The following WWOX variants were observed in gnomAD, a reference collection of about 807,000 sequenced individuals.
WWOX encodes the protein WW domain containing oxidoreductase, also known as WW domain-containing oxidoreductase.
A neutral mutation model predicts 46.2 loss-of-function variants in WWOX; 69 were observed. The ratio of observed to expected loss-of-function variants is 1.49; its 90% CI spans 1.23 to 1.82. The LOEUF (loss-of-function observed/expected upper bound fraction) is 1.82. Ranked by LOEUF, WWOX falls within the 40% of genes most tolerant of loss-of-function variation. The probability of loss-of-function intolerance (pLI) is 0.00; values close to 1 mark genes in which losing one functional copy is unlikely to be tolerated. For synonymous variants in WWOX, 359 were observed against 202.6 expected (o/e 1.77, Z -6.56); for missense variants, 919 against 542.6 (o/e 1.69, Z -6.89).
At chr16:78,471,692 T>G (rs1363610558) in intron 8 of WWOX, among the ~76,000 whole-genome samples, 1 of 152,196 alleles carries the variant, frequency 6.6e-6, no homozygotes, top group African/African-American at 2.4e-5. Context: ...TTGGGCCACA[T>G]TGGTTGGAAG....
chr16:78,457,343 C>G (rs1171710089), intron 8 of WWOX, among the ~76,000 whole-genome samples: 1 of 152,140 alleles, frequency 6.6e-6, no homozygotes. Flanking sequence ...GCTACTTGTT[C>G]TCTTGGTTCC....
intron 8 of WWOX, among the ~76,000 whole-genome samples, chr16:78,728,312 C>T (rs28515542): frequency 2.0e-5 from 3 of 152,032 alleles, no homozygotes; most frequent in East Asian, 1.9e-4. Flanking sequence ...TCAAGCGATT[C>T]TCCCGCCTTG....
chr16:78,852,577 C>T (rs552715268), intron 8 of WWOX, among the ~76,000 whole-genome samples: 22 of 152,138 alleles, frequency 1.4e-4, no homozygotes, highest in Non-Finnish European at 2.9e-4. Context: ...ACTTAGGAGA[C>T]ACCCAAGTCA....
chr16:78,199,114 C>T (rs1213173503), intron 5 of WWOX, among the ~76,000 whole-genome samples: 1 of 152,108 alleles, frequency 6.6e-6, no homozygotes, highest in Non-Finnish European at 1.5e-5. Flanking sequence ...GAGATTGAGA[C>T]CATCCTGGCT....
chr16:78,607,610 C>G (rs2045791054), intron 8 of WWOX, among the ~76,000 whole-genome samples: 1 of 151,242 alleles, frequency 6.6e-6, no homozygotes, highest in African/African-American at 2.4e-5. Flanking sequence ...CCGAGGCATT[C>G]AGCTGGCGTA....
chr16:78,574,117 A>C (rs116757971), intron 8 of WWOX, among the ~76,000 whole-genome samples: 154 of 152,288 alleles, frequency 1.0e-3, no homozygotes, highest in African/African-American at 3.5e-3. Flanking sequence ...GGTACCCCTC[A>C]GCTCCTAGAG....
chr16:78,619,028 G>C (rs2046101727), intron 8 of WWOX, among the ~76,000 whole-genome samples: 1 of 147,966 alleles, frequency 6.8e-6, no homozygotes, highest in Non-Finnish European at 1.5e-5. Context: ...AGGTGGGGTG[G>C]CTCATGTCTG....
chr16:78,791,906 C>G (rs991818519), intron 8 of WWOX, among the ~76,000 whole-genome samples: 2 of 152,064 alleles, frequency 1.3e-5, no homozygotes, highest in Non-Finnish European at 2.9e-5. Flanking sequence ...CAACAACAAA[C>G]AAACAAGAAA....
rs540674333 is a variant in WWOX, at chr16:78,539,178, G to C, written c.1056+106426G>C. ...TTGGTTTTCCCCTAGACTTTGCAGT[G>C]CATGACACATAGTAATTGCTCAATA... On this transcript the variant is annotated intron_variant, in intron 8 of 8. Transcript: ENST00000566780. Among the ~76,000 whole-genome samples the C allele has an allele frequency of 2.6e-5, 4 of 152,342 alleles. No individual in the cohort carries two copies. In the East Asian group the frequency reaches 7.7e-4, roughly 29 times the overall value.
At chr16:78,872,309 A>C (rs2151203894) in intron 8 of WWOX, among the ~76,000 whole-genome samples, 1 of 152,346 alleles carries the variant, frequency 6.6e-6, no homozygotes, top group East Asian at 1.9e-4. Flanking sequence ...GATGGGCATA[A>C]GGAAATAATG....
intron 8 of WWOX, among the ~76,000 whole-genome samples, chr16:78,570,559 C>T (rs2044690554): frequency 6.6e-6 from 1 of 151,986 alleles, no homozygotes; most frequent in Non-Finnish European, 1.5e-5. Flanking sequence ...AGTGATCCTC[C>T]CGCCTCTGCC....
At chr16:78,611,618 GGGAAAAT>G (rs2045902012) in intron 8 of WWOX, among the ~76,000 whole-genome samples, 1 of 152,154 alleles carries the variant, frequency 6.6e-6, no homozygotes, top group African/African-American at 2.4e-5. Flanking sequence ...CAACATATTT[GGGAAAAT>G]GATAGTTAGA....
chr16:78,793,469 G>C (rs7196279), intron 8 of WWOX, among the ~76,000 whole-genome samples: 1 of 151,864 alleles, frequency 6.6e-6, no homozygotes, highest in Non-Finnish European at 1.5e-5. Flanking sequence ...TTTTTATCCA[G>C]TTTTGCTTTC....
intron 8 of WWOX, among the ~76,000 whole-genome samples, chr16:78,893,172 G>A (rs909381648): frequency 1.3e-5 from 2 of 151,582 alleles, no homozygotes; most frequent in Non-Finnish European, 2.9e-5. Context: ...ACACGACTAT[G>A]AGATGGAATG....
At chr16:78,337,304 T>G (rs947484044) in intron 5 of WWOX, among the ~76,000 whole-genome samples, 1 of 152,152 alleles carries the variant, frequency 6.6e-6, no homozygotes, top group African/African-American at 2.4e-5. Context: ...AGTTGTAGAT[T>G]TACAAAGTAA....
intron 8 of WWOX, among the ~76,000 whole-genome samples, chr16:79,084,251 G>T (rs1430547820): frequency 6.6e-6 from 1 of 152,088 alleles, no homozygotes; most frequent in African/African-American, 2.4e-5. Flanking sequence ...AGGTGAGGAA[G>T]GACACTGACT....
intron 5 of WWOX, among the ~76,000 whole-genome samples, chr16:78,241,950 C>G (rs1156254094): frequency 2.0e-5 from 3 of 152,162 alleles, no homozygotes; most frequent in Non-Finnish European, 4.4e-5. Context: ...ACTGATAAAG[C>G]AAAAGCAAAT....
At chr16:78,545,411 T>C (rs923001373) in intron 8 of WWOX, among the ~76,000 whole-genome samples, 2 of 152,320 alleles carry the variant, frequency 1.3e-5, no homozygotes, top group East Asian at 1.9e-4. Context: ...AGAGATGGGA[T>C]TTCATTATGT....
chr16:78,276,818 A>G lies in WWOX; in HGVS notation c.517-110042A>G, dbSNP rs1031422424. Among the ~76,000 whole-genome samples the G allele has an allele frequency of 6.6e-5, 10 of 152,314 alleles. 1 individual carries two copies. The highest frequency in any genetic ancestry group is 5.8e-4 in the East Asian group (3 of 5,170). Reference sequence around the variant, plus strand: ...GTCTGAAAGTTTTAGGGAGGCTTTTATGAACTGGGCCATCTCTCCTTGTCC... The same window carrying G: ...GTCTGAAAGTTTTAGGGAGGCTTTTGTGAACTGGGCCATCTCTCCTTGTCC... On this transcript the variant is annotated intron_variant, in intron 5 of 8. Coordinates refer to ENST00000566780, the MANE Select transcript of WWOX (RefSeq NM_016373.4).
Sources: allele counts gnomAD v4.1 joint callset (sites outside exome capture counted in the v4.1 genomes callset), GRCh38; gene constraint gnomAD v4.1.1; transcripts MANE v1.5; gene names NCBI Gene and HGNC (gene_info 2026-07-23, HGNC 2026-07-21).